Variants in FIG4 observed in about 807,000 individuals in gnomAD.
FIG4 encodes the protein FIG4 phosphoinositide 5-phosphatase.
In FIG4, 112 loss-of-function variants were observed where a neutral mutation model predicts 118.6. That is an observed-to-expected ratio of 0.94 (90% CI 0.81 to 1.11). The LOEUF is 1.11. FIG4 is among the 50% of genes least tolerant of loss of function. The pLI is 0.00. For missense variants in FIG4, 969 were observed against 1,111.7 expected, an observed-to-expected ratio of 0.87 and a Z score of 1.83; for synonymous variants, 369 against 381.2, an observed-to-expected ratio of 0.97 and a Z score of 0.37.
In FIG4 at chr6:109,753,920, A is replaced by G. The variant is rs540712733; in HGVS notation, c.1138-6330A>G. 4.6e-5 allele frequency among the ~76,000 whole-genome samples: 7 copies of G among 152,342 alleles called. No homozygotes were observed. The South Asian group carries it at 1.2e-3, about 27-fold the overall frequency. ...TTTGACTTCCTCTTTTCCGAATTGA[A>G]TACCCTTTATTTCCTTCTCCTGCCT... On this transcript the variant is annotated intron_variant, in intron 10 of 22. Coordinates refer to ENST00000230124, the MANE Select transcript of FIG4 (RefSeq NM_014845.6).
At chr6:109,778,480 A>G (rs1379917412) in intron 16 of FIG4, among the ~76,000 whole-genome samples, 1 of 151,162 alleles carries the variant, frequency 6.6e-6, no homozygotes, top group Non-Finnish European at 1.5e-5. Flanking sequence ...CAAAAAAAAA[A>G]AAAGGATACC....
At chr6:109,814,983 T>C (rs902342087) in intron 22 of FIG4, among the ~76,000 whole-genome samples, 1 of 152,090 alleles carries the variant, frequency 6.6e-6, no homozygotes, top group Non-Finnish European at 1.5e-5. Flanking sequence ...AATGTATGTA[T>C]AAGTATATAC....
At chr6:109,756,192 A>G (rs1417914201) in intron 10 of FIG4, among the ~76,000 whole-genome samples, 1 of 152,062 alleles carries the variant, frequency 6.6e-6, no homozygotes, top group South Asian at 2.1e-4. Context: ...TCCTTTACTT[A>G]TGAAGCTTAG....
At chr6:109,697,760 G>C (rs373355882) in intron 1 of FIG4, among the ~76,000 whole-genome samples, 1 of 152,138 alleles carries the variant, frequency 6.6e-6, no homozygotes. Flanking sequence ...GTTCACTTTT[G>C]TCTGTACCTC....
intron 20 of FIG4, among the ~76,000 whole-genome samples, chr6:109,792,229 TTGCACTATAACAGCAGAGC>T (rs1220904436): frequency 6.6e-6 from 1 of 152,250 alleles, no homozygotes; most frequent in African/African-American, 2.4e-5. Flanking sequence ...GTGACTACGT[TTGCACTATAACAGCAGAGC>T]TGAGTATTTG....
chr6:109,781,661 C>T (rs946963117), intron 16 of FIG4, among the ~76,000 whole-genome samples: 1 of 151,276 alleles, frequency 6.6e-6, no homozygotes, highest in Non-Finnish European at 1.5e-5. Flanking sequence ...GTGCCGCTGC[C>T]ACTCTGCCAC....
chr6:109,796,727 C>T lies in FIG4; in HGVS notation c.2460-38C>T, dbSNP rs11963787. The stretch of plus-strand genomic sequence containing the variant: ...ATCTACTGAATTAATTGCAAGTACT[C>T]CCTTCTTTAGCTGACTCTTATCCAT... On this transcript the variant is annotated intron_variant, in intron 21 of 22. Coordinates refer to ENST00000230124, the MANE Select transcript of FIG4 (RefSeq NM_014845.6). 4,085 of 1,175,286 alleles carry T rather than the reference C, an allele frequency of 3.5e-3. 105 individuals carry two copies. The African/African-American group carries it at 0.056, about 16-fold the overall frequency. 72.8% of individuals were successfully genotyped at this position (1,175,286 alleles called of 1,614,324 possible).
At chr6:109,819,351 A>C (rs1046004360) in intron 22 of FIG4, among the ~76,000 whole-genome samples, 1 of 152,358 alleles carries the variant, frequency 6.6e-6, no homozygotes, top group East Asian at 1.9e-4. Context: ...TCCTTTGTCC[A>C]TGAAGCCCAA....
Position 109,760,273 on chromosome 6 carries a change from A to G in FIG4, c.1161A>G (p.Glu387=). The G allele has an allele frequency of 2.5e-6, 4 of 1,613,834 alleles. No homozygotes were observed. Among genetic ancestry groups the G allele is most frequent in the Non-Finnish European group, 3.4e-6 (4 of 1,179,728 alleles). Reference sequence around the variant, plus strand: ...AGGAACGAGAGAAAAGAAAGCATGAAAGAATTCTGAGTGAAGAACTTGTTG... The same window carrying G: ...AGGAACGAGAGAAAAGAAAGCATGAGAGAATTCTGAGTGAAGAACTTGTTG... ...LVKEREKRKH[E]RILSEELVAA... The change falls in exon 11 of 23, where the codon GAA becomes GAG. Residue 387 remains glutamate, a synonymous_variant. Coordinates refer to ENST00000230124, the MANE Select transcript of FIG4 (RefSeq NM_014845.6).
At chr6:109,821,787 C>T (rs1163578518) in intron 22 of FIG4, among the ~76,000 whole-genome samples, 1 of 152,240 alleles carries the variant, frequency 6.6e-6, no homozygotes, top group Non-Finnish European at 1.5e-5. Context: ...GGCAGAGGAA[C>T]ACTTTGAACT....
At chr6:109,738,588 A>G (rs2128386191) in intron 7 of FIG4, 135 bp downstream of exon 7, 2 of 780,920 alleles carry the variant, frequency 2.6e-6, no homozygotes, top group East Asian at 2.6e-5. Context: ...CCATGATACT[A>G]TGTAGCAGAA....
chr6:109,707,363 GTGTATA>G, intron 1 of FIG4, among the ~76,000 whole-genome samples: 1 of 21,474 alleles, frequency 4.7e-5, no homozygotes, highest in African/African-American at 1.2e-4. Flanking sequence ...ACATATATAC[GTGTATA>G]TATATATACA....
chr6:109,770,359 G>A lies in FIG4; in HGVS notation c.1750+3464G>A, dbSNP rs575458967. On this transcript the variant is annotated intron_variant, in intron 15 of 22. Coordinates refer to ENST00000230124, the MANE Select transcript of FIG4 (RefSeq NM_014845.6). Reference sequence around the variant, plus strand: ...CTGCTGTATATACGTGTGTGTGTGTGTATATATATGCCTAACATAAATATG... The same window carrying A: ...CTGCTGTATATACGTGTGTGTGTGTATATATATATGCCTAACATAAATATG... Among the ~76,000 whole-genome samples the A allele has an allele frequency of 1.3e-3, 189 of 148,304 alleles. 2 individuals carry two copies. Among genetic ancestry groups the A allele is most frequent in the Middle Eastern group, 3.4e-3 (1 of 294 alleles).
chr6:109,698,129 C>T (rs961027584), intron 1 of FIG4, among the ~76,000 whole-genome samples: 1 of 151,808 alleles, frequency 6.6e-6, no homozygotes, highest in Non-Finnish European at 1.5e-5. Flanking sequence ...ACCTTGTGAT[C>T]CGCCCGCCTC....
intron 11 of FIG4, 94 bp downstream of exon 11, chr6:109,760,477 CCT>C: frequency 1.7e-6 from 2 of 1,162,350 alleles, no homozygotes; most frequent in Non-Finnish European, 2.6e-6. Context: ...TAAATGTTAC[CCT>C]GTTAATTTCC....
At chr6:109,770,896 A>G (rs1336029777) in intron 15 of FIG4, among the ~76,000 whole-genome samples, 1 of 152,152 alleles carries the variant, frequency 6.6e-6, no homozygotes, top group Non-Finnish European at 1.5e-5. Context: ...TGTGGAAGAC[A>G]GTGATCCCAG....
chr6:109,793,702 G>C (rs59680251), intron 21 of FIG4, among the ~76,000 whole-genome samples: 10,867 of 152,080 alleles, frequency 0.071, 1,329 homozygotes, highest in African/African-American at 0.24. Context: ...TTAAATGAGG[G>C]CATTTCATTT....
At chr6:109,740,003 A>C (rs191921848) in intron 7 of FIG4, among the ~76,000 whole-genome samples, 3 of 152,276 alleles carry the variant, frequency 2.0e-5, no homozygotes, top group African/African-American at 4.8e-5. Flanking sequence ...AATCAGGCTC[A>C]TTACTTTATA....
intron 1 of FIG4, among the ~76,000 whole-genome samples, chr6:109,692,409 G>C (rs1366010632): frequency 6.6e-6 from 1 of 152,214 alleles, no homozygotes; most frequent in Non-Finnish European, 1.5e-5. Context: ...GTCTCCATTA[G>C]AGGAGTATGA....
Sources: allele counts gnomAD v4.1 joint callset (sites outside exome capture counted in the v4.1 genomes callset), GRCh38; gene constraint gnomAD v4.1.1; transcripts MANE v1.5; gene names NCBI Gene and HGNC (gene_info 2026-07-23, HGNC 2026-07-21).